Variants in DNAH11 observed in about 807,000 individuals in gnomAD.
The protein encoded by DNAH11 is axonemal beta dynein heavy chain 11.
A neutral mutation model predicts 526.0 loss-of-function variants in DNAH11; 442 were observed. The ratio of observed to expected loss-of-function variants is 0.84; its 90% CI spans 0.78 to 0.91. The LOEUF is 0.91. Among genes scored for constraint, DNAH11 ranks in the 40% least tolerant of loss-of-function variants. The probability of loss-of-function intolerance (pLI) is 0.00; values close to 1 mark genes in which losing one functional copy is unlikely to be tolerated. For missense variants in DNAH11, 6,989 were observed against 5,448.7 expected, an observed-to-expected ratio of 1.28 and a Z score of -8.90; for synonymous variants, 2,461 against 1,935.9, an observed-to-expected ratio of 1.27 and a Z score of -7.12.
Position 21,589,346 on chromosome 7 carries a change from A to G in DNAH11, c.2112A>G (p.Gln704=), listed in dbSNP as rs758340491. 1 of 1,609,934 alleles carries G rather than the reference A, an allele frequency of 6.2e-7. No individual in the cohort carries two copies. Among genetic ancestry groups the G allele is most frequent in the Non-Finnish European group, 8.5e-7 (1 of 1,178,392 alleles). ...VDEICEFNLN[Q]PLVKFSAING... Reference sequence around the variant, plus strand: ...AAATCTGTGAATTCAATTTGAATCAACCCTTGGTTAAATTCAGTGCCATAA... The same window carrying G: ...AAATCTGTGAATTCAATTTGAATCAGCCCTTGGTTAAATTCAGTGCCATAA... The change falls in exon 12 of 82, where the codon CAA becomes CAG. Residue 704 remains glutamine, a synonymous_variant. Coordinates refer to ENST00000409508, the MANE Select transcript of DNAH11 (RefSeq NM_001277115.2).
At chr7:21,841,227 T>C (rs1038786261) in intron 65 of DNAH11, among the ~76,000 whole-genome samples, 1 of 152,146 alleles carries the variant, frequency 6.6e-6, no homozygotes, top group Non-Finnish European at 1.5e-5. Flanking sequence ...ATTTCATCTT[T>C]ATAAAAATAA....
rs560079337 is a variant in DNAH11, at chr7:21,671,209, A to G, written c.5329-10337A>G. On this transcript the variant is annotated intron_variant, in intron 30 of 81. Transcript: ENST00000409508. ...CTTCCTTTCTTGTGTCAGTTTTGGAAGTTTGTATTTTTCAAGATATTTGCC... is the reference window on the plus strand; with the variant it reads ...CTTCCTTTCTTGTGTCAGTTTTGGAGGTTTGTATTTTTCAAGATATTTGCC... Among the ~76,000 whole-genome samples, 3 of 152,148 alleles carry G rather than the reference A, an allele frequency of 2.0e-5. No homozygotes were observed. The East Asian group carries it at 5.8e-4, about 29-fold the overall frequency.
chr7:21,736,684 G>A (rs1165288051), intron 46 of DNAH11, among the ~76,000 whole-genome samples: 1 of 152,082 alleles, frequency 6.6e-6, no homozygotes, highest in Non-Finnish European at 1.5e-5. Flanking sequence ...CTTTATGAAT[G>A]GAACCCTTAG....
intron 8 of DNAH11, among the ~76,000 whole-genome samples, chr7:21,573,374 C>G (rs1436910589): frequency 6.6e-6 from 1 of 152,150 alleles, no homozygotes; most frequent in African/African-American, 2.4e-5. Flanking sequence ...CCCTGAAGTT[C>G]CCTTCATCCT....
chr7:21,720,038 C>T (rs941225566), intron 43 of DNAH11, among the ~76,000 whole-genome samples: 4 of 152,170 alleles, frequency 2.6e-5, no homozygotes, highest in East Asian at 1.9e-4. Flanking sequence ...ACATGAGGAC[C>T]GCCCAGCACG....
chr7:21,744,737 C>G, intron 50 of DNAH11, 133 bp from the exon 51 acceptor site: 1 of 1,428,478 alleles, frequency 7.0e-7, no homozygotes, highest in East Asian at 2.4e-5. Context: ...TACACTTGGT[C>G]TATGCTTGGG....
chr7:21,772,389 A>T (rs1314713368), intron 55 of DNAH11, among the ~76,000 whole-genome samples: 2 of 145,426 alleles, frequency 1.4e-5, no homozygotes, highest in Non-Finnish European at 3.0e-5. Context: ...AGGAGGTTAC[A>T]CTTGGCTGAG....
At chr7:21,690,653 C>T in intron 34 of DNAH11, 112 bp from the exon 35 acceptor site, 1 of 736,782 alleles carries the variant, frequency 1.4e-6, no homozygotes, top group Non-Finnish European at 2.2e-6. Flanking sequence ...AAGAAAATTA[C>T]ACAGAATAAA....
chr7:21,617,015 TC>T (rs1785813390), intron 22 of DNAH11, among the ~76,000 whole-genome samples: 1 of 152,210 alleles, frequency 6.6e-6, no homozygotes, highest in African/African-American at 2.4e-5. Context: ...AACTAAAATG[TC>T]CCTTCATTCT....
intron 28 of DNAH11, among the ~76,000 whole-genome samples, chr7:21,647,419 C>A (rs943791409): frequency 8.2e-6 from 1 of 121,996 alleles, no homozygotes; most frequent in African/African-American, 2.9e-5. Context: ...GTAGCAATTT[C>A]TTTCTTTCTT....
intron 76 of DNAH11, among the ~76,000 whole-genome samples, chr7:21,884,835 A>G (rs1203350981): frequency 4.6e-5 from 7 of 152,214 alleles, no homozygotes. Flanking sequence ...TTTCTATTCC[A>G]GAGTTTATTT....
intron 51 of DNAH11, among the ~76,000 whole-genome samples, chr7:21,745,383 T>C (rs1786100174): frequency 6.6e-6 from 1 of 152,214 alleles, no homozygotes; most frequent in Non-Finnish European, 1.5e-5. Flanking sequence ...TAAGCAGGTT[T>C]TGTTGAGTGC....
rs1182183239 is a variant in DNAH11, at chr7:21,607,778, T to A, written c.3852+1045T>A. On this transcript the variant is annotated intron_variant, in intron 20 of 81. Coordinates refer to ENST00000409508, the MANE Select transcript of DNAH11 (RefSeq NM_001277115.2). ...AACCCCGTCTCTACTAAAATAAAAATTAAAAAAAAAATTGCTGGGCATGGT... is the reference window on the plus strand; with the variant it reads ...AACCCCGTCTCTACTAAAATAAAAAATAAAAAAAAAATTGCTGGGCATGGT... Among the ~76,000 whole-genome samples, 3 of 150,820 alleles carry A rather than the reference T, an allele frequency of 2.0e-5. 1 individual carries two copies. The highest frequency in any genetic ancestry group is 4.2e-4 in the South Asian group (2 of 4,734).
chr7:21,879,723 G>A (rs1039776062), intron 74 of DNAH11, among the ~76,000 whole-genome samples: 1 of 152,074 alleles, frequency 6.6e-6, no homozygotes, highest in African/African-American at 2.4e-5. Flanking sequence ...CAAGCTGATG[G>A]GTGCCCCTGC....
intron 73 of DNAH11, among the ~76,000 whole-genome samples, chr7:21,872,471 T>TTA (rs1783541303): frequency 1.3e-5 from 2 of 152,192 alleles, no homozygotes; most frequent in Admixed American, 1.3e-4. Context: ...TTGGAAATAA[T>TTA]TATATATATC....
chr7:21,867,719 A>G (rs1289257851), intron 71 of DNAH11, 140 bp from the exon 72 acceptor site: 1 of 707,318 alleles, frequency 1.4e-6, no homozygotes, highest in African/African-American at 1.8e-5. Flanking sequence ...CTGGATTCAT[A>G]TTGTTATTCT....
At chr7:21,714,122 AT>A (rs1784561369) in intron 42 of DNAH11, among the ~76,000 whole-genome samples, 1 of 152,112 alleles carries the variant, frequency 6.6e-6, no homozygotes, top group Non-Finnish European at 1.5e-5. Context: ...TCCTGTGGAG[AT>A]TTGTGCTAAC....
chr7:21,777,121 G>T (rs991607554), intron 56 of DNAH11, among the ~76,000 whole-genome samples: 2 of 151,776 alleles, frequency 1.3e-5, no homozygotes, highest in Admixed American at 6.6e-5. Context: ...CTAGTTCCTG[G>T]CCATCACTAA....
rs373969291 is a variant in DNAH11 at position 21,619,198 on chromosome 7, G to C, written c.4353G>C (p.Ala1451=). 6.2e-7 allele frequency: 1 copy of C among 1,613,192 alleles called. No individual in the cohort carries two copies. The highest frequency in any genetic ancestry group is 8.5e-7 in the Non-Finnish European group (1 of 1,179,520). The change falls in exon 24 of 82, where the codon GCG becomes GCC. Residue 1451 remains alanine (A), a synonymous_variant. Coordinates refer to ENST00000409508, the MANE Select transcript of DNAH11 (RefSeq NM_001277115.2). ...ATGTCCGAAGGATTGTGGACAAGGCGGTGAAAGAGCTGGGGACTGAGAAGG... is the reference window on the plus strand; with the variant it reads ...ATGTCCGAAGGATTGTGGACAAGGCCGTGAAAGAGCTGGGGACTGAGAAGG... ...EDDVRRIVDK[A]VKELGTEKVI...
Sources: allele counts gnomAD v4.1 joint callset (sites outside exome capture counted in the v4.1 genomes callset), GRCh38; gene constraint gnomAD v4.1.1; transcripts MANE v1.5; gene names NCBI Gene and HGNC (gene_info 2026-07-23, HGNC 2026-07-21).